The following MYO3A variants were observed in gnomAD, a reference collection of about 807,000 sequenced individuals.
MYO3A encodes myosin-IIIa.
In MYO3A, 180 loss-of-function variants were observed where a neutral mutation model predicts 192.7. The observed-to-expected ratio is 0.93, with a 90% CI of 0.83 to 1.06. The LOEUF (loss-of-function observed/expected upper bound fraction) is 1.06, where lower values mean the gene tolerates loss of function less well. Among genes scored for constraint, MYO3A ranks in the 50% least tolerant of loss-of-function variants. The pLI is 0.00. For missense variants in MYO3A, 1,896 were observed against 1,905.0 expected (o/e 1.00, Z 0.09); for synonymous variants, 628 against 645.3 (o/e 0.97, Z 0.41).
chr10:26,000,550 T>G (rs1344774141), intron 6 of MYO3A, among the ~76,000 whole-genome samples: 1 of 152,198 alleles, frequency 6.6e-6, no homozygotes, highest in Non-Finnish European at 1.5e-5. Flanking sequence ...GGAAAATCTG[T>G]CTAAATTGCT....
At chr10:26,110,689 A>G (rs1367588954) in intron 17 of MYO3A, among the ~76,000 whole-genome samples, 2 of 152,134 alleles carry the variant, frequency 1.3e-5, no homozygotes, top group African/African-American at 2.4e-5. Context: ...CGTGTAAAGG[A>G]TAGAGTGTGC....
chr10:26,120,743 T>C lies in MYO3A; in HGVS notation c.1844T>C (p.Val615Ala). 6.2e-7 allele frequency: 1 copy of C among 1,614,118 alleles called. No individual in the cohort carries two copies. The highest frequency in any genetic ancestry group is 8.5e-7 in the Non-Finnish European group (1 of 1,179,988). ...GTTGGCAACATTGAATTTTCTTCTGTGGCAACTGAACACCAGATTGACAAG... is the reference window on the plus strand; with the variant it reads ...GTTGGCAACATTGAATTTTCTTCTGCGGCAACTGAACACCAGATTGACAAG... Reference protein sequence around the residue: ...LNVGNIEFSSVATEHQIDKSH... With the variant: ...LNVGNIEFSSAATEHQIDKSH... The change falls in exon 18 of 35, where the codon GTG becomes GCG. Residue 615 changes from valine to alanine, a missense_variant. Val to Ala is a moderately conservative substitution (Grantham distance 64, BLOSUM62 0). Transcript: ENST00000642920.
In MYO3A at chr10:26,065,542, G is replaced by A. The variant is rs149854313; in HGVS notation, c.954-1433G>A. 4.3e-3 allele frequency among the ~76,000 whole-genome samples: 555 copies of A among 128,044 alleles called. 9 individuals are homozygous for A. Among genetic ancestry groups the A allele is most frequent in the African/African-American group, 0.016 (531 of 32,992 alleles). The allele number at this position is 128,044 out of a possible 152,430, so 84.0% of individuals were successfully genotyped here. A position where few individuals can be genotyped will look rare whatever the true frequency, so the allele number is the denominator to read the frequency against. On this transcript the variant is annotated intron_variant, in intron 10 of 34. Coordinates refer to ENST00000642920, the MANE Select transcript of MYO3A (RefSeq NM_017433.5). ...GGAGGTTGCAGTGAGCTGAGATCAC[G>A]CCACAGCATTCCAGCCTGGGTGACA...
At chr10:26,187,534 A>C (rs1284236757) in intron 31 of MYO3A, among the ~76,000 whole-genome samples, 1 of 151,852 alleles carries the variant, frequency 6.6e-6, no homozygotes, top group Non-Finnish European at 1.5e-5. Context: ...GTACATGTGC[A>C]CAACGTGCAG....
At chr10:26,087,793 C>T (rs189421337) in intron 14 of MYO3A, among the ~76,000 whole-genome samples, 2 of 152,248 alleles carry the variant, frequency 1.3e-5, no homozygotes, top group Admixed American at 1.3e-4. Flanking sequence ...GTTATCTTTC[C>T]TCTCTTAGTT....
intron 34 of MYO3A, among the ~76,000 whole-genome samples, chr10:26,205,778 G>A (rs889760373): frequency 1.2e-4 from 18 of 151,316 alleles, no homozygotes; most frequent in African/African-American, 3.9e-4. Context: ...CATCACTCCC[G>A]GCTAATATTT....
intron 4 of MYO3A, among the ~76,000 whole-genome samples, chr10:25,975,266 G>C (rs938740385): frequency 6.6e-6 from 1 of 152,154 alleles, no homozygotes; most frequent in South Asian, 2.1e-4. Context: ...TCAGAAGACT[G>C]GCCAGAACCA....
intron 20 of MYO3A, among the ~76,000 whole-genome samples, chr10:26,132,667 G>GT (rs35028092): frequency 0.079 from 11,829 of 150,000 alleles, 511 homozygotes; most frequent in Non-Finnish European, 0.091. Context: ...CTGAACTAAA[G>GT]TTTTTTTTTT....
chr10:25,956,712 C>T (rs1268471430), intron 4 of MYO3A, among the ~76,000 whole-genome samples: 1 of 151,718 alleles, frequency 6.6e-6, no homozygotes, highest in Non-Finnish European at 1.5e-5. Flanking sequence ...AACATATTTG[C>T]TTCATTTTTG....
chr10:26,125,670 A>G, intron 19 of MYO3A, 62 bp downstream of exon 19: 1 of 1,375,766 alleles, frequency 7.3e-7, no homozygotes, highest in Non-Finnish European at 1.0e-6. Context: ...CTACTTTCTA[A>G]TTGATTGTTT....
rs1013603267 is a variant in MYO3A, at chr10:26,140,637, A to G, written c.2263-2811A>G. ...GAAGTGGAAGTTGCAGTGAGCCGAG[A>G]TGACACCACTGTACTCCAGCCTGGG... On this transcript the variant is annotated intron_variant, in intron 20 of 34. Coordinates refer to ENST00000642920, the MANE Select transcript of MYO3A (RefSeq NM_017433.5). Among the ~76,000 whole-genome samples the G allele has an allele frequency of 4.0e-5, 6 of 151,268 alleles. No individual in the cohort carries two copies. The Middle Eastern group carries it at 0.01, about 257-fold the overall frequency.
intron 20 of MYO3A, among the ~76,000 whole-genome samples, chr10:26,133,540 T>C (rs1174146263): frequency 6.6e-6 from 1 of 152,230 alleles, no homozygotes; most frequent in Non-Finnish European, 1.5e-5. Context: ...CTTAATGTGA[T>C]GTGGGGATTT....
intron 20 of MYO3A, among the ~76,000 whole-genome samples, chr10:26,139,632 C>G (rs575529845): frequency 6.6e-6 from 1 of 152,260 alleles, no homozygotes; most frequent in East Asian, 1.9e-4. Flanking sequence ...TGGCTCATGC[C>G]TATAATCCCA....
At chr10:25,999,526 A>T (rs1177342495) in intron 6 of MYO3A, among the ~76,000 whole-genome samples, 1 of 152,230 alleles carries the variant, frequency 6.6e-6, no homozygotes, top group African/African-American at 2.4e-5. Flanking sequence ...AAGATGTGGT[A>T]AACCACAACC....
chr10:26,075,789 GTCTC>G (rs898886004), intron 14 of MYO3A, among the ~76,000 whole-genome samples: 29 of 141,752 alleles, frequency 2.0e-4, no homozygotes, highest in Middle Eastern at 7.6e-3. Flanking sequence ...TGATATATAT[GTCTC>G]TCTCATATAT....
intron 20 of MYO3A, among the ~76,000 whole-genome samples, chr10:26,137,091 A>G (rs1324779709): frequency 6.6e-6 from 1 of 152,160 alleles, no homozygotes; most frequent in Non-Finnish European, 1.5e-5. Flanking sequence ...GTAGGTGATG[A>G]GACTATATAA....
intron 9 of MYO3A, among the ~76,000 whole-genome samples, chr10:26,024,878 T>C (rs1464488545): frequency 6.6e-6 from 1 of 152,206 alleles, no homozygotes; most frequent in African/African-American, 2.4e-5. Context: ...TCTAGTAACA[T>C]TGCCAGTTGT....
Position 25,957,228 on chromosome 10 carries a change from G to A in MYO3A, c.303+2220G>A, listed in dbSNP as rs551471714. ...GGACCCAGTGGGAAGTAACTGAATC[G>A]TGGGGGCAGGTCTTTCCTATGGTAT... On this transcript the variant is annotated intron_variant, in intron 4 of 34. Transcript: ENST00000642920. Among the ~76,000 whole-genome samples the A allele has an allele frequency of 4.9e-4, 74 of 152,226 alleles. No individual in the cohort carries two copies. In the South Asian group the frequency reaches 7.3e-3, roughly 15 times the overall value.
intron 14 of MYO3A, among the ~76,000 whole-genome samples, chr10:26,078,359 T>C (rs1052303227): frequency 6.6e-6 from 1 of 152,066 alleles, no homozygotes; most frequent in African/African-American, 2.4e-5. Context: ...TCCTGTTTCA[T>C]TTCTTAATGA....
Sources: gnomAD v4.1 joint callset for allele counts (sites outside exome capture counted in the v4.1 genomes callset) on GRCh38, gnomAD v4.1.1 for gene constraint, MANE v1.5 for transcripts, NCBI Gene and HGNC (gene_info 2026-07-23, HGNC 2026-07-21) for gene names.